The following C10orf90 variants were observed in gnomAD, a reference collection of about 807,000 sequenced individuals.
C10orf90 encodes chromosome 10 open reading frame 90.
C10orf90 carries 56 observed loss-of-function variants against 62.5 expected under a neutral mutation model. The observed-to-expected ratio is 0.90, with a 90% CI of 0.72 to 1.12. C10orf90 has a LOEUF of 1.12. C10orf90 is among the 50% of genes most tolerant of loss of function. The pLI is 0.00. For missense variants in C10orf90, 970 were observed against 880.4 expected, an observed-to-expected ratio of 1.10 and a Z score of -1.29; for synonymous variants, 386 against 340.4, an observed-to-expected ratio of 1.13 and a Z score of -1.47.
chr10:126,535,157 A>G (rs1864197925), intron 2 of C10orf90, among the ~76,000 whole-genome samples: 1 of 152,110 alleles, frequency 6.6e-6, no homozygotes, highest in Non-Finnish European at 1.5e-5. Flanking sequence ...ATATATATAC[A>G]TATATGTGTG....
chr10:126,497,166 C>A (rs1862105348), intron 4 of C10orf90, among the ~76,000 whole-genome samples: 1 of 152,104 alleles, frequency 6.6e-6, no homozygotes, highest in Admixed American at 6.6e-5. Flanking sequence ...ATCAAAATGA[C>A]CAGCACAGGA....
intron 3 of C10orf90, among the ~76,000 whole-genome samples, chr10:126,510,007 G>T (rs1863000755): frequency 1.3e-5 from 2 of 152,136 alleles, no homozygotes; most frequent in South Asian, 4.1e-4. Context: ...CTTGTAGACG[G>T]CCATCTTCTT....
chr10:126,533,502 T>C (rs1178068520), intron 2 of C10orf90, among the ~76,000 whole-genome samples: 1 of 152,200 alleles, frequency 6.6e-6, no homozygotes, highest in Non-Finnish European at 1.5e-5. Context: ...TTTTTGTCCC[T>C]GGACAAAACA....
chr10:126,477,485 A>G (rs939734716), intron 4 of C10orf90, among the ~76,000 whole-genome samples: 4 of 152,148 alleles, frequency 2.6e-5, no homozygotes, highest in African/African-American at 9.7e-5. Context: ...CACTTTTCAA[A>G]GAAATCTTTT....
intron 2 of C10orf90, among the ~76,000 whole-genome samples, chr10:126,565,387 T>A (rs1326509752): frequency 7.1e-4 from 53 of 74,538 alleles, no homozygotes; most frequent in Non-Finnish European, 1.1e-3. Flanking sequence ...TAATATATAT[T>A]ATATATATTA....
chr10:126,667,766 C>T (rs1846661708), intron 1 of C10orf90, among the ~76,000 whole-genome samples: 1 of 152,186 alleles, frequency 6.6e-6, no homozygotes, highest in African/African-American at 2.4e-5. Flanking sequence ...ATAGGCTCAT[C>T]CCATCCTCCA....
chr10:126,445,826 T>TATAC lies in C10orf90; in HGVS notation c.2188+13213_2188+13214insGTAT, dbSNP rs57867349. 1.4e-3 allele frequency among the ~76,000 whole-genome samples: 206 copies of TATAC among 144,700 alleles called. 1 individual carries two copies. Among genetic ancestry groups the TATAC allele is most frequent in the South Asian group, 2.0e-3 (9 of 4,548 alleles). 94.9% of individuals were successfully genotyped at this position (144,700 alleles called of 152,430 possible). On this transcript the variant is annotated intron_variant, in intron 7 of 9. Coordinates refer to ENST00000488181, the MANE Select transcript of C10orf90 (RefSeq NM_001350921.2). ...TGGTGTATATATATATATATATATA[T>TATAC]ACAATGGAATACTACTCAGCCATAA... is the stretch of plus-strand genomic sequence containing the variant.
At chr10:126,510,564 G>A (rs1038183256) in intron 3 of C10orf90, among the ~76,000 whole-genome samples, 1 of 152,158 alleles carries the variant, frequency 6.6e-6, no homozygotes, top group African/African-American at 2.4e-5. Flanking sequence ...ATGGTAGAAC[G>A]TTCGCATTGG....
Position 126,477,076 on chromosome 10 carries a change from A to ATTTTTTTT in C10orf90, c.1535-12098_1535-12091dup, listed in dbSNP as rs551973906. 9.0e-4 allele frequency among the ~76,000 whole-genome samples: 51 copies of ATTTTTTTT among 56,486 alleles called. 7 individuals are homozygous for ATTTTTTTT. Among genetic ancestry groups the ATTTTTTTT allele is most frequent in the Non-Finnish European group, 1.5e-3 (45 of 30,888 alleles). The allele number at this position is 56,486 out of a possible 152,430, so 37.1% of individuals were successfully genotyped here. A position where few individuals can be genotyped will look rare whatever the true frequency, so the allele number is the denominator to read the frequency against. On this transcript the variant is annotated intron_variant, in intron 4 of 9. Coordinates refer to ENST00000488181, the MANE Select transcript of C10orf90 (RefSeq NM_001350921.2). Reference sequence around the variant, plus strand: ...AGGTGCCCAACATCACGCCTGGCTAATTTTTTTTTTTTTTTTTTTTTTTTT... The same window carrying ATTTTTTTT: ...AGGTGCCCAACATCACGCCTGGCTAATTTTTTTTTTTTTTTTTTTTTTTTTTTTTTTTT...
intron 2 of C10orf90, among the ~76,000 whole-genome samples, chr10:126,632,093 C>T (rs1845861752): frequency 6.6e-6 from 1 of 152,126 alleles, no homozygotes; most frequent in Admixed American, 6.5e-5. Context: ...CGAAGAGACA[C>T]CATGTTGCCC....
chr10:126,637,984 G>A (rs1845985738), intron 2 of C10orf90, among the ~76,000 whole-genome samples: 1 of 152,162 alleles, frequency 6.6e-6, no homozygotes, highest in South Asian at 2.1e-4. Context: ...AAGATGGTGA[G>A]GAAGCAAATC....
At chr10:126,531,348 C>T (rs570497517) in intron 2 of C10orf90, among the ~76,000 whole-genome samples, 14 of 152,164 alleles carry the variant, frequency 9.2e-5, no homozygotes, top group South Asian at 4.1e-4. Flanking sequence ...GGTGGGTAGA[C>T]GCTAAAGCAA....
At chr10:126,457,452 G>T (rs1001232354) in intron 7 of C10orf90, among the ~76,000 whole-genome samples, 1 of 152,208 alleles carries the variant, frequency 6.6e-6, no homozygotes, top group Non-Finnish European at 1.5e-5. Context: ...TGGCCCAGAA[G>T]AGGAGAAGCT....
intron 1 of C10orf90, among the ~76,000 whole-genome samples, chr10:126,663,754 C>T (rs988118204): frequency 2.0e-5 from 3 of 152,134 alleles, no homozygotes; most frequent in Non-Finnish European, 2.9e-5. Flanking sequence ...ACTTGCAGAT[C>T]ATGGGTTCAG....
chr10:126,642,529 C>G (rs1846086478), intron 2 of C10orf90, among the ~76,000 whole-genome samples: 1 of 151,610 alleles, frequency 6.6e-6, no homozygotes, highest in Non-Finnish European at 1.5e-5. Flanking sequence ...GAGACTCCAT[C>G]TCAAAAAAAA....
intron 2 of C10orf90, among the ~76,000 whole-genome samples, chr10:126,547,414 C>CA (rs55740296): frequency 0.012 from 1,524 of 125,184 alleles, 20 homozygotes; most frequent in African/African-American, 0.041. Context: ...GCAAGACTGT[C>CA]AAAAAAAAAA....
intron 2 of C10orf90, among the ~76,000 whole-genome samples, chr10:126,579,478 C>T (rs374145870): frequency 5.9e-5 from 9 of 151,938 alleles, no homozygotes; most frequent in Admixed American, 2.0e-4. Flanking sequence ...TGAACTCAAG[C>T]GATCCACCCA....
intron 2 of C10orf90, among the ~76,000 whole-genome samples, chr10:126,645,378 G>A (rs1391750235): frequency 6.6e-6 from 1 of 150,936 alleles, no homozygotes. Context: ...GACCAGGCGA[G>A]GCAACATGGC....
intron 2 of C10orf90, among the ~76,000 whole-genome samples, chr10:126,616,986 A>G (rs1041690634): frequency 6.6e-6 from 1 of 152,080 alleles, no homozygotes; most frequent in African/African-American, 2.4e-5. Flanking sequence ...GGGAGACAAA[A>G]ATTCCTGGAC....
Sources: allele counts gnomAD v4.1 joint callset (sites outside exome capture counted in the v4.1 genomes callset), GRCh38; gene constraint gnomAD v4.1.1; transcripts MANE v1.5; gene names NCBI Gene and HGNC (gene_info 2026-07-23, HGNC 2026-07-21).